Variants in ZNF835 observed in about 807,000 individuals in gnomAD.
The protein encoded by ZNF835 is zinc finger protein 835.
For synonymous variants in ZNF835, 323 were observed against 324.7 expected (o/e 0.99, Z 0.06); for missense variants, 783 against 758.4 (o/e 1.03, Z -0.38).
rs756884268 is a variant in ZNF835 at position 56,663,927 on chromosome 19, G to C, written c.1272C>G (p.Gly424=). 3.1e-6 allele frequency: 5 copies of C among 1,612,654 alleles called. No homozygotes were observed. The highest frequency in any genetic ancestry group is 3.4e-6 in the Non-Finnish European group (4 of 1,179,584). The change falls in exon 2 of 2, where the codon GGC becomes GGG. Residue 424 remains glycine, a synonymous_variant. Coordinates refer to ENST00000537055, the MANE Select transcript of ZNF835 (RefSeq NM_001005850.3). ...GERPYKCGEC[G]KAFSQGSSLA... is the part of the protein sequence containing the mutation. ...GCGAGGAGCCCTGGCTGAAAGCTTT[G>C]CCGCACTCGCCGCACTTGTAGGGCC... is the stretch of plus-strand genomic sequence containing the variant.
At position 56,665,240 on chromosome 19, in the gene ZNF835, C is replaced by T. The variant is rs768462397; in HGVS notation, c.-42G>A. ...GCTGTCTTGATCTCACATCTTTTCT[C>T]TGGGTCTGAAAAGAAAAAGATAGAA... On this transcript the variant is annotated 5_prime_UTR_variant, in exon 2 of 2. Transcript: ENST00000537055. 3.7e-6 allele frequency: 6 copies of T among 1,608,168 alleles called. No homozygotes were observed. The South Asian group carries it at 4.4e-5, about 12-fold the overall frequency.
chr19:56,667,731 G>T (rs981255363), intron 1 of ZNF835, among the ~76,000 whole-genome samples: 2 of 152,280 alleles, frequency 1.3e-5, no homozygotes, highest in Admixed American at 6.5e-5. Context: ...GGTGCTAGGA[G>T]GTGGGGCCTC....
intron 1 of ZNF835, chr19:56,665,524 C>G: frequency 1.7e-6 from 1 of 572,856 alleles, no homozygotes; most frequent in East Asian, 4.4e-5. Flanking sequence ...CGTGGTGGCT[C>G]ATGCCTGCAA....
In ZNF835 at chr19:56,664,449, G is replaced by A. The variant is rs759962298; in HGVS notation, c.750C>T (p.Tyr250=). Residue 250 remains tyrosine (Y), a synonymous_variant, in exon 2 of 2, where the codon TAC becomes TAT. Transcript: ENST00000537055. ...HQRIHTGEKP[Y]ECSACAKAFR... ...AGGCCTTGGCGCACGCGGAGCACTCGTAGGGCTTCTCACCGGTGTGGATGC... is the reference window on the plus strand; with the variant it reads ...AGGCCTTGGCGCACGCGGAGCACTCATAGGGCTTCTCACCGGTGTGGATGC... 9 of 1,612,382 alleles carry A rather than the reference G, an allele frequency of 5.6e-6. No homozygotes were observed. The highest frequency in any genetic ancestry group is 4.0e-5 in the African/African-American group (3 of 74,510).
chr19:56,664,022 G>A lies in ZNF835; in HGVS notation c.1177C>T (p.Leu393=). 6.2e-7 allele frequency: 1 copy of A among 1,610,498 alleles called. No homozygotes were observed. Among genetic ancestry groups the A allele is most frequent in the Non-Finnish European group, 8.5e-7 (1 of 1,178,934 alleles). The change falls in exon 2 of 2, where the codon CTG becomes TTG. Residue 393 remains leucine, a synonymous_variant. Transcript: ENST00000537055. The stretch of plus-strand genomic sequence containing the variant: ...TGGCTGAAGGCGGCCCCGCATTGCA[G>A]GCACCTGTAGGGCCGCTCACCGGTG... ...VHTGERPYRC[L]QCGAAFSHVS...
Position 56,664,684 on chromosome 19 carries a change from C to T in ZNF835, c.515G>A (p.Gly172Asp). ...GTACGAGCCCTGGCTGAAGGCCTTG[C>T]CGCACTCGTGGCAGGCGTAGGGCTT... ...GEKPYACHEC[G>D]KAFSQGSYLA... Residue 172 changes from glycine to aspartate, a missense_variant, in exon 2 of 2, where the codon GGC (glycine) becomes GAC (aspartate). Coordinates refer to ENST00000537055, the MANE Select transcript of ZNF835 (RefSeq NM_001005850.3). The T allele has an allele frequency of 6.2e-7, 1 of 1,611,800 alleles. No individual in the cohort carries two copies. The highest frequency in any genetic ancestry group is 8.5e-7 in the Non-Finnish European group (1 of 1,179,108).
Position 56,663,773 on chromosome 19 carries a change from A to C in ZNF835, c.1426T>G (p.Cys476Gly), listed in dbSNP as rs747600931. ...IVHTGEKPYE[C>G]SGCGKAFSFS... ...CTGAAGGCCTTCCCGCAGCCGCTGC[A>C]CTCGTAGGGCTTCTCCCCGGTGTGC... The change falls in exon 2 of 2, where the codon TGC (cysteine) becomes GGC (glycine). Residue 476 changes from cysteine to glycine, a missense_variant. By Grantham distance (159) the Cys-to-Gly change is radical (BLOSUM62 -3). Transcript: ENST00000537055. 2 of 1,613,952 alleles carry C rather than the reference A, an allele frequency of 1.2e-6. No individual in the cohort carries two copies. The highest frequency in any genetic ancestry group is 1.7e-6 in the Non-Finnish European group (2 of 1,179,904).
At position 56,664,869 on chromosome 19, in the gene ZNF835, C is replaced by A. The variant is rs758963843; in HGVS notation, c.330G>T (p.Trp110Cys). The A allele has an allele frequency of 3.1e-6, 5 of 1,613,798 alleles. No homozygotes were observed. The highest frequency in any genetic ancestry group is 4.2e-6 in the Non-Finnish European group (5 of 1,179,910). Residue 110 changes from tryptophan to cysteine, a missense_variant, in exon 2 of 2, where the codon TGG becomes TGT. Transcript: ENST00000537055. ...AGGCCTTCCCGCAGTCCCCGCATTT[C>A]CACGGCTTCTTGGGGCCTCCACCTC... ...RERGGGPKKPWKCGDCGKAFS... is the reference protein window; with the variant it reads ...RERGGGPKKPCKCGDCGKAFS...
At position 56,663,845 on chromosome 19, in the gene ZNF835, C is replaced by T. The variant is rs751662049; in HGVS notation, c.1354G>A (p.Gly452Ser). Residue 452 changes from glycine to serine, a missense_variant, in exon 2 of 2, where the codon GGC (glycine) becomes AGC (serine). Transcript: ENST00000537055. ...TAGGAGCGGTTGCTGAAGGCCTTGC[C>T]GCACTCGGGGCAGGTGTAGGGCCGC... The part of the protein sequence containing the change: ...GERPYTCPEC[G>S]KAFSNRSYLI... 3 of 1,613,682 alleles carry T rather than the reference C, an allele frequency of 1.9e-6. No individual in the cohort carries two copies. The highest frequency in any genetic ancestry group is 2.2e-5 in the East Asian group (1 of 44,856).
At position 56,665,160 on chromosome 19, in the gene ZNF835, C is replaced by A. The variant is rs1346247838; in HGVS notation, c.39G>T (p.Glu13Asp). The change falls in exon 2 of 2, where the codon GAG becomes GAT. Residue 13 changes from glutamate (E) to aspartate (D), a missense_variant. Glu to Asp is a conservative substitution (Grantham distance 45). Coordinates refer to ENST00000537055, the MANE Select transcript of ZNF835 (RefSeq NM_001005850.3). ...GLLSVALQGA[E>D]LEGNWKHEGQ... Reference sequence around the variant, plus strand: ...CCTCGTGTTTCCAGTTTCCTTCCAACTCTGCGCCCTGGAGGGCGACGCTCA... The same window carrying A: ...CCTCGTGTTTCCAGTTTCCTTCCAAATCTGCGCCCTGGAGGGCGACGCTCA... 1 of 1,614,058 alleles carries A rather than the reference C, an allele frequency of 6.2e-7. No individual in the cohort carries two copies. Among genetic ancestry groups the A allele is most frequent in the Non-Finnish European group, 8.5e-7 (1 of 1,179,904 alleles).
rs2045228796 is a variant in ZNF835, at chr19:56,664,759, A to C, written c.440T>G (p.Phe147Cys). 6 of 1,613,990 alleles carry C rather than the reference A, an allele frequency of 3.7e-6. No individual in the cohort carries two copies. The highest frequency in any genetic ancestry group is 4.2e-6 in the Non-Finnish European group (5 of 1,179,982). ...CAGGGTCAGGTGCACGCTCTGGCTG[A>C]AGGCCTTGCCGCACTCGGGGCACGC... The part of the protein sequence containing the change: ...PFACPECGKA[F>C]SQSVHLTLHQ... Residue 147 changes from phenylalanine (F) to cysteine (C), a missense_variant, in exon 2 of 2, where the codon TTC becomes TGC. Physicochemically the swap from Phe to Cys is radical, Grantham distance 205 (BLOSUM62 -2). Coordinates refer to ENST00000537055, the MANE Select transcript of ZNF835 (RefSeq NM_001005850.3).
chr19:56,663,999 GC>G lies in ZNF835; in HGVS notation c.1199del (p.Ser400ThrfsTer7), dbSNP rs2045212817. The G allele has an allele frequency of 6.2e-7, 1 of 1,612,560 alleles. No individual in the cohort carries two copies. Among genetic ancestry groups the G allele is most frequent in the Admixed American group, 1.7e-5 (1 of 59,980 alleles). On this transcript the variant is annotated frameshift_variant, in exon 2 of 2. Coordinates refer to ENST00000537055, the MANE Select transcript of ZNF835 (RefSeq NM_001005850.3). LOFTEE classifies it low-confidence loss of function (END_TRUNC). ...GGTGCTCTATAAGCGAGGACACGTGGCTGAAGGCGGCCCCGCATTGCAGGCA... is the reference window on the plus strand; with the variant it reads ...GGTGCTCTATAAGCGAGGACACGTGGTGAAGGCGGCCCCGCATTGCAGGCA... ...YRCLQCGAAFSHVSSLIEHQK... is the reference protein window; with the variant it reads ...YRCLQCGAAFXHVSSLIEHQK...
rs752288029 is a variant in ZNF835 at position 56,664,219 on chromosome 19, A to C, written c.980T>G (p.Ile327Ser). The part of the protein sequence containing the change: ...QSASLAEHRR[I>S]HTGEKPYACG... Reference sequence around the variant, plus strand: ...CGCGTAGGGCTTCTCGCCTGTGTGGATGCGCCGGTGCTCGGCCAGAGAGGC... The same window carrying C: ...CGCGTAGGGCTTCTCGCCTGTGTGGCTGCGCCGGTGCTCGGCCAGAGAGGC... Residue 327 changes from isoleucine (I) to serine (S), a missense_variant, in exon 2 of 2, where the codon ATC (isoleucine) becomes AGC (serine). By Grantham distance (142) the Ile-to-Ser change is moderately radical. Transcript: ENST00000537055. 2 of 1,604,624 alleles carry C rather than the reference A, an allele frequency of 1.2e-6. No individual in the cohort carries two copies. Among genetic ancestry groups the C allele is most frequent in the Admixed American group, 3.4e-5 (2 of 59,408 alleles).
In ZNF835 at chr19:56,663,162, G is replaced by GAAAAAA. The variant is rs34647340; in HGVS notation, c.*417_*422dup. The GAAAAAA allele has an allele frequency of 5.7e-5, 7 of 123,316 alleles. No individual in the cohort carries two copies. The highest frequency in any genetic ancestry group is 1.8e-4 in the African/African-American group (5 of 27,850). The allele number at this position is 123,316 out of a possible 1,614,324, so 7.6% of individuals were successfully genotyped here. ...GGCGACAGAGCAAGACTCCGTCTCAGAAAAAAAAAAAAAAAAAAATTAGCC... is the reference window on the plus strand; with the variant it reads ...GGCGACAGAGCAAGACTCCGTCTCAGAAAAAAAAAAAAAAAAAAAAAAAAATTAGCC... On this transcript the variant is annotated 3_prime_UTR_variant, in exon 2 of 2. Coordinates refer to ENST00000537055, the MANE Select transcript of ZNF835 (RefSeq NM_001005850.3).
In ZNF835 at chr19:56,664,930, G is replaced by A; in HGVS notation, c.269C>T (p.Pro90Leu). ...GCGGCTGTCAGGATGCCTCTCCTTC[G>A]GGCTCTCCCCAGGCGCGCTGCACCT... ...SRRCSAPGES[P>L]KERHPDSRQR... Residue 90 changes from proline (P) to leucine (L), a missense_variant, in exon 2 of 2, where the codon CCG (proline) becomes CTG (leucine). Coordinates refer to ENST00000537055, the MANE Select transcript of ZNF835 (RefSeq NM_001005850.3). The A allele has an allele frequency of 6.2e-7, 1 of 1,613,970 alleles. No individual in the cohort carries two copies. The highest frequency in any genetic ancestry group is 8.5e-7 in the Non-Finnish European group (1 of 1,179,880).
Position 56,663,435 on chromosome 19 carries a change from G to A in ZNF835, c.*150C>T. 9.2e-7 allele frequency: 1 copy of A among 1,087,530 alleles called. No individual in the cohort carries two copies. Among genetic ancestry groups the A allele is most frequent in the Non-Finnish European group, 1.3e-6 (1 of 766,268 alleles). The allele number at this position is 1,087,530 out of a possible 1,614,324, so 67.4% of individuals were successfully genotyped here. Reference sequence around the variant, plus strand: ...CCGCAGGGGAGTCTGGCAGATGTGAGGTACAGTCTTAGCCCTGTGTCTTCC... The same window carrying A: ...CCGCAGGGGAGTCTGGCAGATGTGAAGTACAGTCTTAGCCCTGTGTCTTCC... On this transcript the variant is annotated 3_prime_UTR_variant, in exon 2 of 2. Transcript: ENST00000537055.
intron 1 of ZNF835, among the ~76,000 whole-genome samples, chr19:56,668,383 T>G (rs2045263558): frequency 7.8e-6 from 1 of 128,760 alleles, no homozygotes; most frequent in Non-Finnish European, 1.6e-5. Flanking sequence ...TTTTTTTTTT[T>G]GAGACAGGGT....
rs578225277 is a variant in ZNF835 at position 56,667,986 on chromosome 19, TTTTG to T, written c.-47-2745_-47-2742del. Among the ~76,000 whole-genome samples, 14 of 152,224 alleles carry T rather than the reference TTTTG, an allele frequency of 9.2e-5. No homozygotes were observed. The East Asian group carries it at 1.9e-3, about 21-fold the overall frequency. On this transcript the variant is annotated intron_variant, in intron 1 of 1. Transcript: ENST00000537055. ...TCTTTCTTTCTTTCTTTTTTTGTTT[TTTTG>T]TTTGTTTGTTTTGTTTTGTTTTTGA...
Position 56,665,520 on chromosome 19 carries a change from G to A in ZNF835, c.-47-275C>T. ...AAAATGTCTCCAGGCCGGACGTGGT[G>A]GCTCATGCCTGCAATCCCAGCACTT... On this transcript the variant is annotated intron_variant, in intron 1 of 1. Transcript: ENST00000537055. The A allele has an allele frequency of 5.2e-6, 3 of 579,886 alleles. 1 individual carries two copies. Among genetic ancestry groups the A allele is most frequent in the South Asian group, 1.4e-5 (1 of 70,314 alleles). 35.9% of individuals were successfully genotyped at this position (579,886 alleles called of 1,614,324 possible).
Sources: allele counts gnomAD v4.1 joint callset (sites outside exome capture counted in the v4.1 genomes callset), GRCh38; gene constraint gnomAD v4.1.1; transcripts MANE v1.5; gene names NCBI Gene and HGNC (gene_info 2026-07-23, HGNC 2026-07-21).